RBM19: variants seen among roughly 807,000 people sequenced by gnomAD.
RBM19 encodes the protein probable RNA-binding protein 19.
Under a neutral mutation model 116.8 loss-of-function variants are expected in RBM19, and 94 were observed. That is an observed-to-expected ratio of 0.80 (90% CI 0.68 to 0.95). RBM19 has a LOEUF of 0.95. RBM19 is among the 40% of genes least tolerant of loss of function. The probability of loss-of-function intolerance (pLI) is 0.00; values close to 1 mark genes in which losing one functional copy is unlikely to be tolerated. For missense variants in RBM19, 1,161 were observed against 1,220.7 expected (o/e 0.95, Z 0.73); for synonymous variants, 475 against 494.1 (o/e 0.96, Z 0.51).
At chr12:113,906,656 C>G (rs555342971) in intron 21 of RBM19, among the ~76,000 whole-genome samples, 1 of 151,982 alleles carries the variant, frequency 6.6e-6, no homozygotes, top group Admixed American at 6.6e-5. Flanking sequence ...CGTCGGGGCT[C>G]GGCATTTACT....
chr12:113,881,632 T>A (rs1314129436), intron 21 of RBM19, among the ~76,000 whole-genome samples: 1 of 152,184 alleles, frequency 6.6e-6, no homozygotes, highest in African/African-American at 2.4e-5. Flanking sequence ...CCTCTCTCTT[T>A]CCCTCAAGGG....
intron 21 of RBM19, among the ~76,000 whole-genome samples, chr12:113,869,286 C>T (rs1249400450): frequency 2.0e-5 from 3 of 152,160 alleles, no homozygotes; most frequent in East Asian, 1.9e-4. Flanking sequence ...AGTGGATCTC[C>T]CTCTTATCCA....
intron 23 of RBM19, among the ~76,000 whole-genome samples, chr12:113,837,027 ACACACG>A (rs1876002957): frequency 8.0e-6 from 1 of 124,468 alleles, no homozygotes; most frequent in South Asian, 2.7e-4. Context: ...ACACACACAC[ACACACG>A]TCCCAAGCAA....
At chr12:113,821,371 A>G (rs1274775317), downstream of RBM19, among the ~76,000 whole-genome samples, 1 of 152,086 alleles carries the variant, frequency 6.6e-6, no homozygotes, top group African/African-American at 2.4e-5. Context: ...TGTGAGTACA[A>G]ATTGTATAGA....
chr12:113,830,781 C>T (rs907981131), intron 23 of RBM19, among the ~76,000 whole-genome samples: 1 of 152,146 alleles, frequency 6.6e-6, no homozygotes, highest in Non-Finnish European at 1.5e-5. Context: ...CTGGAGGAAT[C>T]CCCCAAGTCT....
Position 113,898,353 on chromosome 12 carries a change from A to G in RBM19, c.2558+16616T>C, listed in dbSNP as rs534276939. On this transcript the variant is annotated intron_variant, in intron 21 of 23. Coordinates refer to ENST00000261741, the MANE Select transcript of RBM19 (RefSeq NM_016196.4). The surrounding 1 kb of genome is among the most constrained non-coding windows in gnomAD (Gnocchi z 4.3). ...TCAGTGCCTGTACTGGACTTCAGGG[A>G]CAGGCAAGTGACATCCTACAGACAC... is the stretch of plus-strand genomic sequence containing the variant. Among the ~76,000 whole-genome samples the G allele has an allele frequency of 5.9e-5, 9 of 152,190 alleles. No individual in the cohort carries two copies. Among genetic ancestry groups the G allele is most frequent in the South Asian group, 2.1e-4 (1 of 4,826 alleles).
chr12:113,905,426 C>T (rs779127801), intron 21 of RBM19, among the ~76,000 whole-genome samples: 3 of 152,114 alleles, frequency 2.0e-5, no homozygotes, highest in Non-Finnish European at 4.4e-5. Flanking sequence ...TTGGTCTGCA[C>T]CTCACGCCAT....
intron 21 of RBM19, among the ~76,000 whole-genome samples, chr12:113,911,427 C>T (rs918759121): frequency 1.2e-4 from 18 of 152,138 alleles, no homozygotes; most frequent in African/African-American, 4.3e-4. Context: ...GAAAACGCTG[C>T]CCAGGACCTT....
intron 21 of RBM19, among the ~76,000 whole-genome samples, chr12:113,893,897 G>A (rs548527285): frequency 2.0e-5 from 3 of 152,346 alleles, no homozygotes; most frequent in Admixed American, 6.5e-5. Flanking sequence ...ACTGGACAGC[G>A]TAGATGGAGA....
intron 22 of RBM19, among the ~76,000 whole-genome samples, chr12:113,855,996 T>A (rs903347041): frequency 6.6e-6 from 1 of 152,210 alleles, no homozygotes; most frequent in Non-Finnish European, 1.5e-5. Flanking sequence ...GCAGGAAAGA[T>A]GTGCTTGTGA....
chr12:113,827,001 CT>C (rs1263272292), intron 23 of RBM19, among the ~76,000 whole-genome samples: 1 of 152,206 alleles, frequency 6.6e-6, no homozygotes, highest in African/African-American at 2.4e-5. Flanking sequence ...CAACTGCCCC[CT>C]GGAGGACATG....
intron 21 of RBM19, among the ~76,000 whole-genome samples, chr12:113,872,819 C>T (rs1202241174): frequency 1.7e-4 from 18 of 103,540 alleles, no homozygotes; most frequent in Non-Finnish European, 2.6e-4. Context: ...GCCCGGCCGC[C>T]CCTACTGGGA....
intron 23 of RBM19, among the ~76,000 whole-genome samples, 184 bp from the exon 24 acceptor site, chr12:113,823,505 T>G: frequency 6.7e-6 from 1 of 150,022 alleles, no homozygotes; most frequent in African/African-American, 2.5e-5. Flanking sequence ...GGAGAGAAGA[T>G]ACAGAGGGAG....
intron 21 of RBM19, among the ~76,000 whole-genome samples, chr12:113,869,274 G>A (rs1879051157): frequency 6.6e-6 from 1 of 152,192 alleles, no homozygotes; most frequent in Non-Finnish European, 1.5e-5. Context: ...CTCTGAAGAA[G>A]CAGTGGATCT....
chr12:113,909,341 G>A (rs1374816821), intron 21 of RBM19, among the ~76,000 whole-genome samples: 11 of 150,348 alleles, frequency 7.3e-5, no homozygotes, highest in Non-Finnish European at 1.5e-4. Context: ...GCATAGTCTC[G>A]AACTCCTAGC....
At chr12:113,960,242 C>T (rs756062916) in intron 2 of RBM19, 64 bp from the exon 3 acceptor site, 59 of 1,606,854 alleles carry the variant, frequency 3.7e-5, no homozygotes, top group Non-Finnish European at 4.5e-5. Flanking sequence ...TGCTGCCCTT[C>T]GGCACCTGGG....
rs1463094218 is a variant in RBM19, at chr12:113,959,889, TTTC to T, written c.351_353del (p.Lys119del). The T allele has an allele frequency of 5.0e-6, 8 of 1,614,034 alleles. No homozygotes were observed. Among genetic ancestry groups the T allele is most frequent in the Non-Finnish European group, 5.9e-6 (7 of 1,180,032 alleles). On this transcript the variant is annotated inframe_deletion, in exon 4 of 24. Transcript: ENST00000261741. ...CCTTCTCCAGTTGACCTGCCACCTT[TTTC>T]TTCTTCTCATCCTGAAAACAGAAGG... is the stretch of plus-strand genomic sequence containing the variant.
Position 113,825,546 on chromosome 12 carries a change from C to T in RBM19, c.2786-2225G>A, listed in dbSNP as rs1874786325. Among the ~76,000 whole-genome samples, 1 of 152,198 alleles carries T rather than the reference C, an allele frequency of 6.6e-6. No individual in the cohort carries two copies. The highest frequency in any genetic ancestry group is 2.4e-5 in the African/African-American group (1 of 41,444). On this transcript the variant is annotated intron_variant, in intron 23 of 23. Transcript: ENST00000261741. The surrounding 1 kb of genome is among the most constrained non-coding windows in gnomAD (Gnocchi z 5.7). ...CCACAGGCGATCACTGACGCCCCTCCCATCTGCTAATATGAGTTGGGGATG... is the reference window on the plus strand; with the variant it reads ...CCACAGGCGATCACTGACGCCCCTCTCATCTGCTAATATGAGTTGGGGATG...
intron 23 of RBM19, among the ~76,000 whole-genome samples, chr12:113,835,992 G>T (rs1463407984): frequency 6.6e-6 from 1 of 152,322 alleles, no homozygotes; most frequent in South Asian, 2.1e-4. Context: ...GCGCTCGCAG[G>T]TACTGTGGCC....
Sources: gnomAD v4.1 joint callset for allele counts (sites outside exome capture counted in the v4.1 genomes callset) on GRCh38, gnomAD v4.1.1 for gene constraint, Gnocchi (gnomAD v3.1) non-coding constraint, MANE v1.5 for transcripts, NCBI Gene and HGNC (gene_info 2026-07-23, HGNC 2026-07-21) for gene names.